HIVEP3: variants seen among roughly 807,000 people sequenced by gnomAD.
HIVEP3 encodes the protein transcription factor HIVEP3.
Under a neutral mutation model 152.8 loss-of-function variants are expected in HIVEP3, and 49 were observed. The observed-to-expected ratio is 0.32, with a 90% CI of 0.26 to 0.41. The LOEUF (loss-of-function observed/expected upper bound fraction) is 0.41, where lower values mean the gene tolerates loss of function less well. Among genes scored for constraint, HIVEP3 ranks in the 10% least tolerant of loss-of-function variants. The pLI is 1.00. For synonymous variants in HIVEP3, 1,269 were observed against 1,289.0 expected, an observed-to-expected ratio of 0.98 and a Z score of 0.33; for missense variants, 2,790 against 3,103.3, an observed-to-expected ratio of 0.90 and a Z score of 2.40.
intron 1 of HIVEP3, among the ~76,000 whole-genome samples, chr1:41,722,254 C>T (rs1646684310): frequency 6.6e-6 from 1 of 152,208 alleles, no homozygotes; most frequent in African/African-American, 2.4e-5. Flanking sequence ...TGTTCCACCT[C>T]CCTTCACCTC....
chr1:41,846,522 C>G (rs900052369), intron 1 of HIVEP3, among the ~76,000 whole-genome samples: 3 of 152,238 alleles, frequency 2.0e-5, no homozygotes, highest in Admixed American at 6.5e-5. Flanking sequence ...AGGATGACCA[C>G]AAGCAAGCCA....
intron 1 of HIVEP3, among the ~76,000 whole-genome samples, chr1:41,962,760 A>C (rs1645175820): frequency 6.6e-6 from 1 of 152,264 alleles, no homozygotes. Context: ...AGAAAGATGT[A>C]CTAGAGCCCC....
At position 41,662,335 on chromosome 1, in the gene HIVEP3, C is replaced by CG. The variant is rs1202969755; in HGVS notation, c.-720-33389dup. On this transcript the variant is annotated intron_variant, in intron 2 of 8. Transcript: ENST00000372583. This position sits in a 1 kb window ranked among gnomAD's most constrained non-coding sequence, Gnocchi z 7.2. ...GGTGGGCGCGGGGCGGGCTGGCGGG[C>CG]GGGCGCCGGCGGCGGGCGCGGCTCC... The CG allele has an allele frequency of 2.1e-5, 3 of 145,092 alleles. No homozygotes were observed. In the South Asian group the frequency reaches 6.4e-4, roughly 31 times the overall value. The allele number at this position is 145,092 out of a possible 1,614,324, so 9.0% of individuals were successfully genotyped here.
intron 1 of HIVEP3, among the ~76,000 whole-genome samples, chr1:41,963,988 T>A (rs1645183735): frequency 6.6e-6 from 1 of 152,210 alleles, no homozygotes; most frequent in South Asian, 2.1e-4. Flanking sequence ...ATGGATTGAA[T>A]GGTGTCCTTC....
At chr1:41,730,645 T>C (rs981269413) in intron 1 of HIVEP3, among the ~76,000 whole-genome samples, 12 of 152,272 alleles carry the variant, frequency 7.9e-5, no homozygotes, top group Non-Finnish European at 1.3e-4. Flanking sequence ...TCACGCTCTT[T>C]GCACGTTAAT....
At chr1:41,926,505 T>C (rs150644119) in intron 1 of HIVEP3, among the ~76,000 whole-genome samples, 356 of 152,274 alleles carry the variant, frequency 2.3e-3, no homozygotes, top group African/African-American at 8.3e-3. Context: ...ACCTGATCAA[T>C]ATTAAGTATA....
chr1:41,619,432 A>G (rs913217324), intron 3 of HIVEP3, among the ~76,000 whole-genome samples: 4 of 152,238 alleles, frequency 2.6e-5, no homozygotes, highest in Non-Finnish European at 5.9e-5. Flanking sequence ...CTCACAAAAT[A>G]TACAGTCTAT....
At chr1:41,893,138 A>G (rs577981638) in intron 1 of HIVEP3, among the ~76,000 whole-genome samples, 2 of 151,906 alleles carry the variant, frequency 1.3e-5, no homozygotes, top group African/African-American at 4.8e-5. Context: ...AAAAAAAAAA[A>G]AAAACAGAAA....
intron 1 of HIVEP3, among the ~76,000 whole-genome samples, chr1:41,912,058 A>G (rs924657622): frequency 6.6e-6 from 1 of 152,212 alleles, no homozygotes; most frequent in African/African-American, 2.4e-5. Context: ...ATTTATATGA[A>G]GTTCACAAAC....
intron 1 of HIVEP3, among the ~76,000 whole-genome samples, chr1:42,029,507 C>A (rs1645601381): frequency 6.6e-6 from 1 of 152,130 alleles, no homozygotes; most frequent in East Asian, 1.9e-4. Flanking sequence ...AGGAGAGGCC[C>A]CTTCCTAGAG....
chr1:41,793,318 C>T (rs1318199628), intron 1 of HIVEP3, among the ~76,000 whole-genome samples: 1 of 152,244 alleles, frequency 6.6e-6, no homozygotes, highest in Non-Finnish European at 1.5e-5. Flanking sequence ...ACAAGTGGCT[C>T]AAGCCTGGTT....
chr1:41,954,577 C>T (rs1645129415), intron 1 of HIVEP3, among the ~76,000 whole-genome samples: 2 of 152,244 alleles, frequency 1.3e-5, no homozygotes, highest in Non-Finnish European at 2.9e-5. Context: ...GTCATCAAGG[C>T]CCTATGTCTC....
chr1:41,588,607 G>T (rs993410858), intron 3 of HIVEP3, among the ~76,000 whole-genome samples: 2 of 152,104 alleles, frequency 1.3e-5, no homozygotes, highest in Admixed American at 6.5e-5. Context: ...CCTGCCCAGG[G>T]TCAGTGTCCA....
intron 1 of HIVEP3, among the ~76,000 whole-genome samples, chr1:41,732,448 A>G (rs566640362): frequency 4.5e-4 from 69 of 152,310 alleles, no homozygotes; most frequent in African/African-American, 1.6e-3. Context: ...GCTCCCCAGC[A>G]GGGTGACTGA....
chr1:41,652,630 G>A (rs982829138), intron 2 of HIVEP3, among the ~76,000 whole-genome samples: 3 of 152,104 alleles, frequency 2.0e-5, no homozygotes, highest in East Asian at 1.9e-4. Context: ...GGTGAAGATC[G>A]GCCTAGTGAG....
chr1:41,753,177 C>T (rs1376451192), intron 1 of HIVEP3, among the ~76,000 whole-genome samples: 4 of 151,948 alleles, frequency 2.6e-5, no homozygotes, highest in African/African-American at 9.7e-5. Flanking sequence ...AAGACACAGT[C>T]ACACATTTCT....
At chr1:41,579,196 T>C (rs528276936) in intron 4 of HIVEP3, among the ~76,000 whole-genome samples, 4 of 152,284 alleles carry the variant, frequency 2.6e-5, no homozygotes, top group African/African-American at 9.6e-5. Flanking sequence ...GCTGTCTTAC[T>C]CCCAGAAAAG....
intron 1 of HIVEP3, among the ~76,000 whole-genome samples, chr1:41,906,560 A>G (rs991445078): frequency 6.6e-6 from 1 of 152,202 alleles, no homozygotes; most frequent in Non-Finnish European, 1.5e-5. Context: ...TGTGACAGGC[A>G]TGAAGAAACT....
chr1:41,649,525 C>T (rs919746019), intron 2 of HIVEP3, among the ~76,000 whole-genome samples: 1 of 152,234 alleles, frequency 6.6e-6, no homozygotes, highest in Non-Finnish European at 1.5e-5. Context: ...TGCTAGGAGA[C>T]ATGGGCCGAA....
Sources: allele counts gnomAD v4.1 joint callset (sites outside exome capture counted in the v4.1 genomes callset), GRCh38; gene constraint gnomAD v4.1.1; non-coding constraint Gnocchi (gnomAD v3.1); transcripts MANE v1.5; gene names NCBI Gene and HGNC (gene_info 2026-07-23, HGNC 2026-07-21).